The following GALNT17 variants were observed in gnomAD, a reference collection of about 807,000 sequenced individuals.
The protein encoded by GALNT17 is polypeptide N-acetylgalactosaminyltransferase 17.
GALNT17 carries 29 observed loss-of-function variants against 63.7 expected under a neutral mutation model. The observed-to-expected ratio is 0.46, with a 90% CI of 0.34 to 0.62. The LOEUF (loss-of-function observed/expected upper bound fraction) is 0.62. Among genes scored for constraint, GALNT17 ranks in the 20% least tolerant of loss-of-function variants. The pLI, the probability that GALNT17 is intolerant of heterozygous loss-of-function variation, is 0.01. For synonymous variants in GALNT17, 305 were observed against 318.3 expected (o/e 0.96, Z 0.45); for missense variants, 603 against 799.6 (o/e 0.75, Z 2.97).
At chr7:71,139,325 A>C (rs1787842790) in intron 1 of GALNT17, among the ~76,000 whole-genome samples, 1 of 152,158 alleles carries the variant, frequency 6.6e-6, no homozygotes, top group South Asian at 2.1e-4. Context: ...CTCTCCTCAG[A>C]GTCCACACGC....
intron 1 of GALNT17, among the ~76,000 whole-genome samples, chr7:71,207,457 G>T (rs1789293833): frequency 6.6e-6 from 1 of 152,146 alleles, no homozygotes; most frequent in East Asian, 1.9e-4. Context: ...GTCTTTTATA[G>T]TGATGTGGGA....
chr7:71,613,044 CG>C (rs1790148613), intron 6 of GALNT17, among the ~76,000 whole-genome samples: 1 of 152,108 alleles, frequency 6.6e-6, no homozygotes, highest in South Asian at 2.1e-4. Context: ...GTTTCTGATG[CG>C]GGGAGGCTAG....
intron 5 of GALNT17, among the ~76,000 whole-genome samples, chr7:71,528,199 T>C (rs1415024246): frequency 6.6e-6 from 1 of 152,204 alleles, no homozygotes; most frequent in Non-Finnish European, 1.5e-5. Flanking sequence ...TTCCCTAGTT[T>C]TCACAACTGT....
chr7:71,628,359 G>T (rs1790406025), intron 6 of GALNT17, among the ~76,000 whole-genome samples: 1 of 151,818 alleles, frequency 6.6e-6, no homozygotes, highest in Non-Finnish European at 1.5e-5. Context: ...TCTCACTTTT[G>T]TCGACCAGAC....
At chr7:71,451,568 AT>A (rs1302259483) in intron 5 of GALNT17, among the ~76,000 whole-genome samples, 1 of 151,988 alleles carries the variant, frequency 6.6e-6, no homozygotes, top group East Asian at 1.9e-4. Context: ...TTATTAATTC[AT>A]TTTGTCTGTT....
At chr7:71,243,768 G>A (rs1207715019) in intron 1 of GALNT17, among the ~76,000 whole-genome samples, 1 of 152,004 alleles carries the variant, frequency 6.6e-6, no homozygotes, top group Non-Finnish European at 1.5e-5. Context: ...AGCACATTTG[G>A]GGGCAGATAG....
chr7:71,610,051 TCTA>T (rs1562709294), intron 6 of GALNT17, among the ~76,000 whole-genome samples: 1 of 152,128 alleles, frequency 6.6e-6, no homozygotes, highest in Non-Finnish European at 1.5e-5. Flanking sequence ...CAAAAATTGA[TCTA>T]CTAAGCTGCA....
chr7:71,368,434 C>T (rs1361128880), intron 2 of GALNT17, among the ~76,000 whole-genome samples: 1 of 152,124 alleles, frequency 6.6e-6, no homozygotes. Flanking sequence ...TCCCGTCTTC[C>T]TGTCTCCCCC....
chr7:71,619,327 A>G (rs1212291688), intron 6 of GALNT17, among the ~76,000 whole-genome samples: 1 of 152,216 alleles, frequency 6.6e-6, no homozygotes, highest in African/African-American at 2.4e-5. Flanking sequence ...GATTCCGTGA[A>G]GAATGACATT....
At chr7:71,634,582 C>T (rs771110317) in intron 6 of GALNT17, among the ~76,000 whole-genome samples, 1 of 151,600 alleles carries the variant, frequency 6.6e-6, no homozygotes, top group Non-Finnish European at 1.5e-5. Flanking sequence ...GGTAAAACTC[C>T]GTCTCTATTA....
chr7:71,570,402 C>T (rs904409851), intron 5 of GALNT17, among the ~76,000 whole-genome samples: 3 of 152,098 alleles, frequency 2.0e-5, no homozygotes, highest in African/African-American at 4.8e-5. Flanking sequence ...TCCAGCATAA[C>T]GTGGAAATTG....
intron 1 of GALNT17, among the ~76,000 whole-genome samples, chr7:71,143,407 C>CAAAA (rs66560650): frequency 1.7e-5 from 2 of 116,990 alleles, no homozygotes; most frequent in Non-Finnish European, 3.5e-5. Flanking sequence ...GAGACTGTCT[C>CAAAA]AAAAAAAAAA....
intron 9 of GALNT17, among the ~76,000 whole-genome samples, chr7:71,707,923 T>G (rs1444836722): frequency 1.3e-5 from 2 of 152,164 alleles, no homozygotes; most frequent in Non-Finnish European, 2.9e-5. Flanking sequence ...CATTTCTTGA[T>G]GGAAATTGCT....
In GALNT17 at chr7:71,156,689, CCTCTCTGT is replaced by C. The variant is rs1372719432; in HGVS notation, c.238+23664_238+23671del. Among the ~76,000 whole-genome samples, 715 of 136,910 alleles carry C rather than the reference CCTCTCTGT, an allele frequency of 5.2e-3. 5 individuals are homozygous for C. The highest frequency in any genetic ancestry group is 0.011 in the African/African-American group (401 of 36,744). 89.8% of individuals were successfully genotyped at this position (136,910 alleles called of 152,430 possible). ...TCTTCCCTCCCTCCCTCCCTTCCTTCCTCTCTGTCTCTCTGTCTCTCTCTCTCTCTTTT... is the reference window on the plus strand; with the variant it reads ...TCTTCCCTCCCTCCCTCCCTTCCTTCCTCTCTGTCTCTCTCTCTCTCTTTT... On this transcript the variant is annotated intron_variant, in intron 1 of 10. Transcript: ENST00000333538.
chr7:71,445,417 G>A (rs1012863597), intron 5 of GALNT17, among the ~76,000 whole-genome samples: 3 of 151,264 alleles, frequency 2.0e-5, no homozygotes, highest in South Asian at 2.1e-4. Flanking sequence ...GGCTGGTCTC[G>A]AACTCCTGAC....
intron 1 of GALNT17, among the ~76,000 whole-genome samples, chr7:71,198,197 C>CA (rs755388218): frequency 0.048 from 3,713 of 76,646 alleles, 102 homozygotes; most frequent in East Asian, 0.14. Context: ...GACTCTGTCT[C>CA]AAAAAAAAAA....
intron 1 of GALNT17, among the ~76,000 whole-genome samples, chr7:71,329,762 G>A (rs1791770849): frequency 6.6e-6 from 1 of 151,902 alleles, no homozygotes; most frequent in African/African-American, 2.4e-5. Context: ...ACCCCATGAT[G>A]TAGTCACCTC....
chr7:71,534,426 C>T (rs1448411390), intron 5 of GALNT17, among the ~76,000 whole-genome samples: 4 of 151,822 alleles, frequency 2.6e-5, no homozygotes, highest in South Asian at 4.2e-4. Flanking sequence ...GGTGAAACCC[C>T]GTCTCTACTA....
chr7:71,551,354 T>G (rs1159594580), intron 5 of GALNT17, among the ~76,000 whole-genome samples: 2 of 152,222 alleles, frequency 1.3e-5, no homozygotes, highest in Non-Finnish European at 2.9e-5. Flanking sequence ...TGCCAAAAAT[T>G]TTAAGCTTGC....
Sources: gnomAD v4.1 joint callset for allele counts (sites outside exome capture counted in the v4.1 genomes callset) on GRCh38, gnomAD v4.1.1 for gene constraint, MANE v1.5 for transcripts, NCBI Gene and HGNC (gene_info 2026-07-23, HGNC 2026-07-21) for gene names.